REV1: variants seen among roughly 807,000 people sequenced by gnomAD.
REV1 encodes translesion synthesis protein REV1.
REV1 carries 42 observed loss-of-function variants against 137.4 expected under a neutral mutation model. The ratio of observed to expected loss-of-function variants is 0.31; its 90% CI spans 0.24 to 0.40. The LOEUF (loss-of-function observed/expected upper bound fraction) is 0.40, where lower values mean the gene tolerates loss of function less well. Among genes scored for constraint, REV1 ranks in the 10% least tolerant of loss-of-function variants. The pLI, the probability that REV1 is intolerant of heterozygous loss-of-function variation, is 1.00. For synonymous variants in REV1, 524 were observed against 519.2 expected (o/e 1.01, Z -0.12); for missense variants, 1,282 against 1,490.1 (o/e 0.86, Z 2.30).
intron 1 of REV1, among the ~76,000 whole-genome samples, chr2:99,477,094 G>A (rs997205711): frequency 6.6e-5 from 10 of 151,940 alleles, no homozygotes; most frequent in African/African-American, 2.2e-4. Flanking sequence ...CCAACTCCAC[G>A]ATGGCAAAAC....
chr2:99,408,205 G>GTT, intron 14 of REV1, 74 bp from the exon 15 acceptor site: 1 of 716,326 alleles, frequency 1.4e-6, no homozygotes, highest in South Asian at 2.6e-5. Context: ...GTATGGAACT[G>GTT]TTTAAAAGAG....
chr2:99,475,314 A>G (rs1685849589), intron 1 of REV1, among the ~76,000 whole-genome samples: 1 of 152,226 alleles, frequency 6.6e-6, no homozygotes, highest in Admixed American at 6.5e-5. Context: ...GTGGAGGAGA[A>G]CAAAGGAAGG....
intron 7 of REV1, among the ~76,000 whole-genome samples, 190 bp from the exon 8 acceptor site, chr2:99,434,638 C>T (rs990695949): frequency 6.6e-6 from 1 of 152,068 alleles, no homozygotes; most frequent in Non-Finnish European, 1.5e-5. Flanking sequence ...AGTTTCTTAG[C>T]ACCTCCAGAA....
At chr2:99,410,550 G>T (rs1428319126) in intron 14 of REV1, 145 bp downstream of exon 14, 4 of 701,170 alleles carry the variant, frequency 5.7e-6, no homozygotes, top group Non-Finnish European at 9.0e-6. Context: ...GAATGCCTTG[G>T]GCTGATGCCT....
intron 1 of REV1, among the ~76,000 whole-genome samples, chr2:99,482,367 C>T (rs1328229372): frequency 1.3e-5 from 2 of 152,184 alleles, no homozygotes; most frequent in African/African-American, 4.8e-5. Context: ...AAGAACAGCA[C>T]TTTCCTGAGG....
intron 2 of REV1, chr2:99,462,919 C>T (rs911692263): frequency 7.1e-5 from 15 of 210,722 alleles, no homozygotes; most frequent in Non-Finnish European, 1.3e-4. Context: ...GAAACCCCGT[C>T]TCTACTAAAA....
At chr2:99,469,470 C>T (rs1257521111) in intron 1 of REV1, among the ~76,000 whole-genome samples, 1 of 152,172 alleles carries the variant, frequency 6.6e-6, no homozygotes, top group Admixed American at 6.5e-5. Context: ...AACTGAATTA[C>T]AGGCTGTCAA....
chr2:99,487,933 T>C (rs1301952095), intron 1 of REV1, among the ~76,000 whole-genome samples: 2 of 118,806 alleles, frequency 1.7e-5, no homozygotes, highest in African/African-American at 3.0e-5. Context: ...ATGGTGTCAC[T>C]AGATGTCTCA....
intron 4 of REV1, among the ~76,000 whole-genome samples, chr2:99,446,577 C>T (rs189120867): frequency 9.7e-4 from 147 of 152,218 alleles, no homozygotes; most frequent in Admixed American, 2.5e-3. Flanking sequence ...TCACTGCAAC[C>T]TCCACCTCCC....
intron 3 of REV1, among the ~76,000 whole-genome samples, chr2:99,454,113 A>G (rs13392042): frequency 0.59 from 89,738 of 151,482 alleles, 27,066 homozygotes; most frequent in African/African-American, 0.67. Context: ...CTGTAACCTC[A>G]ACCTCCTGGT....
intron 1 of REV1, among the ~76,000 whole-genome samples, chr2:99,477,451 C>T (rs982851273): frequency 6.6e-6 from 1 of 152,164 alleles, no homozygotes; most frequent in Admixed American, 6.5e-5. Context: ...TCACCTACTA[C>T]GGACTGCCTA....
chr2:99,446,666 TG>T (rs2104915829), intron 4 of REV1, among the ~76,000 whole-genome samples: 1 of 152,154 alleles, frequency 6.6e-6, no homozygotes, highest in Admixed American at 6.5e-5. Context: ...GGCTAATTTT[TG>T]TATTTTTAGT....
intron 4 of REV1, among the ~76,000 whole-genome samples, chr2:99,445,913 G>A (rs1358914717): frequency 1.3e-5 from 2 of 152,012 alleles, no homozygotes; most frequent in East Asian, 1.9e-4. Context: ...CAAACTGCTC[G>A]AATAAAAACA....
chr2:99,403,827 G>A lies in REV1; in HGVS notation c.3046-12C>T. On this transcript the variant is annotated splice_polypyrimidine_tract_variant and intron_variant, in intron 18 of 22. Coordinates refer to ENST00000258428, the MANE Select transcript of REV1 (RefSeq NM_016316.4). ...ACCTCAGGGTCCACCTAGTGGAAAA[G>A]ACGAGGTCAAAGTCAAACCTGAGCT... 1 of 1,613,736 alleles carries A rather than the reference G, an allele frequency of 6.2e-7. No individual in the cohort carries two copies. Among genetic ancestry groups the A allele is most frequent in the Non-Finnish European group, 8.5e-7 (1 of 1,179,858 alleles).
At chr2:99,461,240 T>C (rs987485430) in intron 3 of REV1, among the ~76,000 whole-genome samples, 1 of 152,228 alleles carries the variant, frequency 6.6e-6, no homozygotes, top group Non-Finnish European at 1.5e-5. Flanking sequence ...CACTCTTCTC[T>C]TACTAAACCA....
At chr2:99,483,355 A>G (rs1163924555) in intron 1 of REV1, among the ~76,000 whole-genome samples, 3 of 152,234 alleles carry the variant, frequency 2.0e-5, no homozygotes, top group African/African-American at 7.2e-5. Flanking sequence ...TTATTTTGTG[A>G]CTAAACCTCC....
At chr2:99,452,634 T>C (rs990282471) in intron 3 of REV1, among the ~76,000 whole-genome samples, 2 of 152,156 alleles carry the variant, frequency 1.3e-5, no homozygotes, top group African/African-American at 2.4e-5. Flanking sequence ...CTGGAACATA[T>C]GCTCTTTGAA....
Position 99,421,588 on chromosome 2 carries a change from G to T in REV1, c.1742C>A (p.Ala581Glu). 1 of 1,614,122 alleles carries T rather than the reference G, an allele frequency of 6.2e-7. No individual in the cohort carries two copies. Among genetic ancestry groups the T allele is most frequent in the East Asian group, 2.2e-5 (1 of 44,884 alleles). ...EALVDITEIL[A>E]ETKLTPDEFA... ...TTCATCAGGAGTAAGTTTGGTCTCTGCAAGGATTTCGGTAATGTCTACCAG... is the reference window on the plus strand; with the variant it reads ...TTCATCAGGAGTAAGTTTGGTCTCTTCAAGGATTTCGGTAATGTCTACCAG... The change falls in exon 11 of 23, where the codon GCA (alanine) becomes GAA (glutamate). Residue 581 changes from alanine to glutamate, a missense_variant. Ala to Glu is a moderately radical substitution (Grantham distance 107). This residue lies in a region of REV1 where 372 missense variants were observed against 482.3 expected (regional missense o/e 0.77). Coordinates refer to ENST00000258428, the MANE Select transcript of REV1 (RefSeq NM_016316.4).
intron 4 of REV1, among the ~76,000 whole-genome samples, chr2:99,447,981 C>T (rs1011008084): frequency 6.6e-6 from 1 of 152,150 alleles, no homozygotes; most frequent in African/African-American, 2.4e-5. Context: ...CAGGCATGAG[C>T]CACCATGCCC....
Sources: allele counts gnomAD v4.1 joint callset (sites outside exome capture counted in the v4.1 genomes callset), GRCh38; gene constraint gnomAD v4.1.1; regional missense constraint gnomAD v4.1.1; transcripts MANE v1.5; gene names NCBI Gene and HGNC (gene_info 2026-07-23, HGNC 2026-07-21).